TFDP2: variants seen among roughly 807,000 people sequenced by gnomAD.
The protein encoded by TFDP2 is transcription factor Dp-2 (E2F dimerization partner 2).
TFDP2 carries 17 observed loss-of-function variants against 59.3 expected under a neutral mutation model. The observed-to-expected ratio is 0.29, with a 90% CI of 0.20 to 0.43. The LOEUF (loss-of-function observed/expected upper bound fraction) is 0.43. Ranked by LOEUF, TFDP2 falls within the 20% of genes least tolerant of loss-of-function variation. The pLI is 1.00. For missense variants in TFDP2, 391 were observed against 528.8 expected, an observed-to-expected ratio of 0.74 and a Z score of 2.56; for synonymous variants, 180 against 194.7, an observed-to-expected ratio of 0.92 and a Z score of 0.63.
rs146557075 is a variant in TFDP2 at position 141,995,883 on chromosome 3, CAAAAAAA to C, written c.187-749_187-743del. ...GGGCAAAAAGAGCAAAACTCCATTTCAAAAAAAAAAAAAAAAAAAAAAAAGAGTATTC... is the reference window on the plus strand; with the variant it reads ...GGGCAAAAAGAGCAAAACTCCATTTCAAAAAAAAAAAAAAAAAGAGTATTC... On this transcript the variant is annotated intron_variant, in intron 4 of 12. Transcript: ENST00000489671. Among the ~76,000 whole-genome samples the C allele has an allele frequency of 6.6e-3, 449 of 67,938 alleles. 6 individuals are homozygous for C. Among genetic ancestry groups the C allele is most frequent in the East Asian group, 0.02 (46 of 2,320 alleles). 44.6% of individuals were successfully genotyped at this position (67,938 alleles called of 152,430 possible).
chr3:142,131,613 C>A (rs1050945926), intron 1 of TFDP2, among the ~76,000 whole-genome samples: 3 of 150,232 alleles, frequency 2.0e-5, no homozygotes, highest in African/African-American at 7.6e-5. Flanking sequence ...AATTAATAAA[C>A]ACTTGGAGTA....
intron 1 of TFDP2, among the ~76,000 whole-genome samples, chr3:142,140,584 C>T (rs11711239): frequency 0.083 from 12,623 of 152,186 alleles, 638 homozygotes; most frequent in Middle Eastern, 0.14. Flanking sequence ...GATGCTATTC[C>T]TTTCTGTTTG....
chr3:142,007,911 T>TTGCC (rs1365621596), intron 3 of TFDP2, among the ~76,000 whole-genome samples: 1 of 152,170 alleles, frequency 6.6e-6, no homozygotes, highest in Non-Finnish European at 1.5e-5. Context: ...ACTCACTGGC[T>TTGCC]TGCCTGCCTG....
intron 3 of TFDP2, chr3:142,043,940 C>T: frequency 1.2e-6 from 1 of 800,904 alleles, no homozygotes; most frequent in Non-Finnish European, 2.2e-6. Context: ...GGCATTCGCG[C>T]ATTGGCTGTA....
At chr3:142,068,567 CTT>C (rs1020201040) in intron 3 of TFDP2, among the ~76,000 whole-genome samples, 8 of 144,158 alleles carry the variant, frequency 5.5e-5, no homozygotes, top group Admixed American at 7.0e-5. Context: ...TTATTTCTCA[CTT>C]TTTTTTTTTT....
intron 6 of TFDP2, among the ~76,000 whole-genome samples, chr3:141,985,155 C>T (rs1319245511): frequency 1.3e-5 from 2 of 151,836 alleles, no homozygotes; most frequent in African/African-American, 4.8e-5. Context: ...TCTAATTTAG[C>T]TGATAATTTT....
chr3:142,093,245 T>A (rs2061056291), intron 2 of TFDP2, 118 bp from the exon 3 acceptor site: 1 of 553,698 alleles, frequency 1.8e-6, no homozygotes. Context: ...CCACATCAAA[T>A]GAATTAATTA....
chr3:141,988,189 G>T (rs919986564), intron 6 of TFDP2, among the ~76,000 whole-genome samples: 1 of 152,082 alleles, frequency 6.6e-6, no homozygotes, highest in Non-Finnish European at 1.5e-5. Context: ...CAAGAGAATC[G>T]CCTGGGTTGG....
At chr3:142,127,613 G>A (rs944521517) in intron 1 of TFDP2, among the ~76,000 whole-genome samples, 3 of 152,082 alleles carry the variant, frequency 2.0e-5, no homozygotes, top group Non-Finnish European at 4.4e-5. Flanking sequence ...TGGGATTACA[G>A]AAGTGAGCCA....
At chr3:141,974,258 A>G (rs997363644) in intron 7 of TFDP2, 67 bp from the exon 8 acceptor site, 1 of 1,311,888 alleles carries the variant, frequency 7.6e-7, no homozygotes, top group African/African-American at 1.5e-5. Context: ...TGATATGAAT[A>G]TATCAAATTA....
chr3:142,013,664 T>C (rs562833541), intron 3 of TFDP2, among the ~76,000 whole-genome samples: 57 of 152,332 alleles, frequency 3.7e-4, no homozygotes, highest in African/African-American at 1.3e-3. Context: ...ACTAAAAACT[T>C]ATGCCAGATC....
At chr3:142,116,215 C>A (rs2061848539) in intron 1 of TFDP2, among the ~76,000 whole-genome samples, 2 of 152,056 alleles carry the variant, frequency 1.3e-5, no homozygotes, top group South Asian at 4.1e-4. Flanking sequence ...AGGCATATAC[C>A]CTAACACTGG....
At chr3:142,000,464 G>A (rs1398175826) in intron 4 of TFDP2, 8 of 513,208 alleles carry the variant, frequency 1.6e-5, no homozygotes, top group South Asian at 9.8e-5. Context: ...AAAAGGCCCC[G>A]CCTCTTAATA....
chr3:142,109,420 C>T (rs2061576353), intron 1 of TFDP2, among the ~76,000 whole-genome samples: 1 of 150,674 alleles, frequency 6.6e-6, no homozygotes, highest in African/African-American at 2.5e-5. Flanking sequence ...CCTCTGGCCC[C>T]TGGGTTCAAG....
At chr3:142,137,613 C>A (rs554343344) in intron 1 of TFDP2, among the ~76,000 whole-genome samples, 28 of 152,218 alleles carry the variant, frequency 1.8e-4, no homozygotes, top group African/African-American at 6.5e-4. Flanking sequence ...TGTCAAAGGC[C>A]TTTTCTGCAT....
chr3:142,102,549 G>C (rs1039988592), intron 1 of TFDP2, among the ~76,000 whole-genome samples: 1 of 152,118 alleles, frequency 6.6e-6, no homozygotes, highest in Non-Finnish European at 1.5e-5. Flanking sequence ...AATAAGAAAA[G>C]AATAATTAAT....
chr3:141,970,197 T>C, intron 8 of TFDP2, 56 bp from the exon 9 acceptor site: 1 of 1,539,794 alleles, frequency 6.5e-7, no homozygotes, highest in Admixed American at 1.7e-5. Flanking sequence ...AAAATATCGT[T>C]CACTTTCCAG....
intron 3 of TFDP2, among the ~76,000 whole-genome samples, chr3:142,019,645 A>ACTC (rs1553778351): frequency 2.0e-5 from 1 of 50,994 alleles, no homozygotes; most frequent in Non-Finnish European, 3.9e-5. Context: ...ATTATATTAA[A>ACTC]CACCCCCCCC....
chr3:142,056,232 A>G (rs11709650), intron 3 of TFDP2, among the ~76,000 whole-genome samples: 12,743 of 151,256 alleles, frequency 0.084, 686 homozygotes, highest in Middle Eastern at 0.14. Context: ...GATTACAGGC[A>G]TGAGCCACCA....
Sources: allele counts gnomAD v4.1 joint callset (sites outside exome capture counted in the v4.1 genomes callset), GRCh38; gene constraint gnomAD v4.1.1; transcripts MANE v1.5; gene names NCBI Gene and HGNC (gene_info 2026-07-23, HGNC 2026-07-21).